IDH3A: variants seen among roughly 807,000 people sequenced by gnomAD.
IDH3A encodes isocitrate dehydrogenase [NAD] subunit alpha, mitochondrial.
A neutral mutation model predicts 43.3 loss-of-function variants in IDH3A; 23 were observed. The ratio of observed to expected loss-of-function variants is 0.53; its 90% confidence interval spans 0.38 to 0.75. The LOEUF (loss-of-function observed/expected upper bound fraction) is 0.75, where lower values mean the gene tolerates loss of function less well. IDH3A is among the 30% of genes least tolerant of loss of function. The probability of loss-of-function intolerance (pLI) is 0.00; values close to 1 mark genes in which losing one functional copy is unlikely to be tolerated. For synonymous variants in IDH3A, 154 were observed against 163.5 expected (o/e 0.94, Z 0.44); for missense variants, 329 against 474.4 (o/e 0.69, Z 2.85).
chr15:78,162,192 T>G, intron 5 of IDH3A, 42 bp from the exon 6 acceptor site: 2 of 1,612,070 alleles, frequency 1.2e-6, no homozygotes, highest in Non-Finnish European at 1.7e-6. Context: ...ACTGCGTTGC[T>G]GTCACACTCT....
In IDH3A at chr15:78,162,816, G is replaced by T. The variant is rs564011159; in HGVS notation, c.611+449G>T. Among the ~76,000 whole-genome samples, 285 of 152,298 alleles carry T rather than the reference G, an allele frequency of 1.9e-3. 1 individual carries two copies. Among genetic ancestry groups the T allele is most frequent in the Non-Finnish European group, 3.4e-3 (229 of 68,018 alleles). ...TCGCCTTGGGCTCCCAAAGTGCTAGGATTACAGGCATGAGCCTCTGCGCCC... is the reference window on the plus strand; with the variant it reads ...TCGCCTTGGGCTCCCAAAGTGCTAGTATTACAGGCATGAGCCTCTGCGCCC... On this transcript the variant is annotated intron_variant, in intron 6 of 10. Coordinates refer to ENST00000299518, the MANE Select transcript of IDH3A (RefSeq NM_005530.3).
Position 78,170,382 on chromosome 15 carries a change from T to C in IDH3A, c.*1377T>C, listed in dbSNP as rs1029680585. On this transcript the variant is annotated 3_prime_UTR_variant, in exon 11 of 11. Transcript: ENST00000299518. ...GGGATTTTTTTTTTTTTAGCAATGA[T>C]ATCCCTGTCTGGGTCACTTTTTAAG... The C allele has an allele frequency of 6.6e-6, 1 of 151,918 alleles. No individual in the cohort carries two copies. Among genetic ancestry groups the C allele is most frequent in the African/African-American group, 2.4e-5 (1 of 41,364 alleles). The allele number at this position is 151,918 out of a possible 1,614,324, so 9.4% of individuals were successfully genotyped here.
intron 1 of IDH3A, among the ~76,000 whole-genome samples, chr15:78,150,396 C>G (rs1317129065): frequency 6.6e-6 from 1 of 152,172 alleles, no homozygotes; most frequent in Non-Finnish European, 1.5e-5. Flanking sequence ...AAAGGGTGGT[C>G]CCCTAGAAAT....
intron 9 of IDH3A, 24 bp downstream of exon 9, chr15:78,165,100 A>G (rs753774449): frequency 1.4e-6 from 2 of 1,467,634 alleles, no homozygotes; most frequent in South Asian, 2.3e-5. Context: ...CACCTGAAAC[A>G]GAACTCAGGT....
Position 78,170,765 on chromosome 15 carries a change from G to T in IDH3A, c.*1760G>T, listed in dbSNP as rs1257138602. The stretch of plus-strand genomic sequence containing the variant: ...TAATGGTCACTCGCATGCCCGCTGT[G>T]CACAGTCCTGTGAGTTAAATGCCCA... On this transcript the variant is annotated 3_prime_UTR_variant, in exon 11 of 11. Coordinates refer to ENST00000299518, the MANE Select transcript of IDH3A (RefSeq NM_005530.3). 1 of 152,626 alleles carries T rather than the reference G, an allele frequency of 6.6e-6. No homozygotes were observed. The highest frequency in any genetic ancestry group is 1.5e-5 in the Non-Finnish European group (1 of 68,092). 9.5% of individuals were successfully genotyped at this position (152,626 alleles called of 1,614,324 possible).
intron 2 of IDH3A, chr15:78,156,964 G>A: frequency 7.4e-7 from 1 of 1,348,536 alleles, no homozygotes; most frequent in Non-Finnish European, 9.8e-7. Flanking sequence ...CAGTTTTATA[G>A]AGGAACTAAG....
chr15:78,156,901 G>A, intron 2 of IDH3A: 1 of 1,351,466 alleles, frequency 7.4e-7, no homozygotes, highest in Non-Finnish European at 9.8e-7. Flanking sequence ...ATTCTTTTTG[G>A]TTGCAGATCA....
At chr15:78,160,895 A>G (rs1218259522) in intron 4 of IDH3A, among the ~76,000 whole-genome samples, 3 of 145,808 alleles carry the variant, frequency 2.1e-5, no homozygotes, top group Non-Finnish European at 3.0e-5. Context: ...CTTTATTTTT[A>G]TATTTTTTGA....
At chr15:78,149,772 G>A (rs2074558198) in intron 1 of IDH3A, among the ~76,000 whole-genome samples, 1 of 152,216 alleles carries the variant, frequency 6.6e-6, no homozygotes, top group Admixed American at 6.5e-5. Flanking sequence ...GGAAGGTCAC[G>A]GGAGCCTCTG....
chr15:78,161,606 C>T lies in IDH3A; in HGVS notation c.315C>T (p.Ala105=), dbSNP rs764050752. The change falls in exon 5 of 11, where the codon GCC becomes GCT. Residue 105 remains alanine (A), a synonymous_variant. Coordinates refer to ENST00000299518, the MANE Select transcript of IDH3A (RefSeq NM_005530.3). The surrounding 1 kb of genome is among the most constrained non-coding windows in gnomAD (Gnocchi z 4.8). ...GCCCTTTGAAGACCCCAATAGCAGC[C>T]GGTCACCCATCTATGAATTTACTGC... ...LKGPLKTPIA[A]GHPSMNLLLR... 3.5e-5 allele frequency: 56 copies of T among 1,613,690 alleles called. No individual in the cohort carries two copies. The highest frequency in any genetic ancestry group is 6.7e-5 in the African/African-American group (5 of 74,930).
chr15:78,159,785 G>C lies in IDH3A; in HGVS notation c.175-307G>C, dbSNP rs534916889. Among the ~76,000 whole-genome samples, 14 of 152,286 alleles carry C rather than the reference G, an allele frequency of 9.2e-5. No homozygotes were observed. The South Asian group carries it at 2.9e-3, about 32-fold the overall frequency. On this transcript the variant is annotated intron_variant, in intron 3 of 10. Transcript: ENST00000299518. ...GTGGGCAGATCACCTGAGGTCAGTA[G>C]TTTGAGACCAGCCTGGCCAATATGG...
At chr15:78,156,202 A>G (rs960808156) in intron 2 of IDH3A, among the ~76,000 whole-genome samples, 3 of 152,256 alleles carry the variant, frequency 2.0e-5, no homozygotes, top group African/African-American at 7.2e-5. Context: ...TCTGAAAGCT[A>G]ATAAGATGAT....
chr15:78,162,388 G>C (rs370373157), intron 6 of IDH3A, 21 bp downstream of exon 6: 14 of 1,610,898 alleles, frequency 8.7e-6, no homozygotes, highest in Non-Finnish European at 1.2e-5. Flanking sequence ...TGCGGGGGCC[G>C]GCACCCCATC....
rs1200905118 is a variant in IDH3A, at chr15:78,166,160, C to T, written c.875C>T (p.Thr292Met). The change falls in exon 10 of 11, where the codon ACG becomes ATG. Residue 292 changes from threonine (T) to methionine (M), a missense_variant. Around this residue, in one of 3 missense-constraint regions of IDH3A, gnomAD observed 91 missense variants for 111.6 expected, o/e 0.82. Transcript: ENST00000299518. ...TTTCCCGATGTGTAGGTTCATGGGA[C>T]GGCTCCAGACATTGCAGGCAAGGAC... ...GVAIFESVHG[T>M]APDIAGKDMA... The T allele has an allele frequency of 1.2e-6, 2 of 1,613,806 alleles. No homozygotes were observed. The highest frequency in any genetic ancestry group is 1.7e-5 in the Admixed American group (1 of 59,994).
At chr15:78,159,870 C>T in intron 3 of IDH3A, 1 of 448,984 alleles carries the variant, frequency 2.2e-6, no homozygotes, top group Non-Finnish European at 4.1e-6. Context: ...TGGTGGGCGC[C>T]TGTAATCCCA....
At chr15:78,165,452 A>G (rs1292348678) in intron 9 of IDH3A, among the ~76,000 whole-genome samples, 1 of 151,948 alleles carries the variant, frequency 6.6e-6, no homozygotes, top group Admixed American at 6.6e-5. Context: ...TGGCCTCCCA[A>G]AGTTGCTGGG....
chr15:78,157,653 A>G (rs1567069548), intron 3 of IDH3A, 22 bp downstream of exon 3: 1 of 1,537,694 alleles, frequency 6.5e-7, no homozygotes. Context: ...TAAAAAATAC[A>G]TTTAATGATG....
intron 5 of IDH3A, 113 bp from the exon 6 acceptor site, chr15:78,162,121 T>C: frequency 9.4e-7 from 1 of 1,060,024 alleles, no homozygotes. Context: ...TTAGTCATGC[T>C]AGCTGGCACT....
chr15:78,162,213 G>T (rs779695662), intron 5 of IDH3A, 21 bp from the exon 6 acceptor site: 2 of 1,613,852 alleles, frequency 1.2e-6, no homozygotes, highest in Admixed American at 3.3e-5. Flanking sequence ...TTCCAGCAAG[G>T]TGGGACTTCC....
Sources: allele counts gnomAD v4.1 joint callset (sites outside exome capture counted in the v4.1 genomes callset), GRCh38; gene constraint gnomAD v4.1.1; regional missense constraint gnomAD v4.1.1; non-coding constraint Gnocchi (gnomAD v3.1); transcripts MANE v1.5; gene names NCBI Gene and HGNC (gene_info 2026-07-23, HGNC 2026-07-21).